Variants in NXN observed in about 807,000 individuals in gnomAD.
The protein encoded by NXN is nucleoredoxin, also known as nucleoredoxin 1.
A neutral mutation model predicts 48.6 loss-of-function variants in NXN; 16 were observed. The ratio of observed to expected loss-of-function variants is 0.33; its 90% CI spans 0.22 to 0.50. The LOEUF (loss-of-function observed/expected upper bound fraction) is 0.50, where lower values mean the gene tolerates loss of function less well. Ranked by LOEUF, NXN falls within the 20% of genes least tolerant of loss-of-function variation. The pLI, the probability that NXN is intolerant of heterozygous loss-of-function variation, is 0.98. For synonymous variants in NXN, 281 were observed against 269.6 expected (o/e 1.04, Z -0.41); for missense variants, 492 against 605.5 (o/e 0.81, Z 1.97).
At position 819,507 on chromosome 17, in the gene NXN, G is replaced by T; in HGVS notation, c.752C>A (p.Pro251His). Residue 251 changes from proline (P) to histidine (H), a missense_variant, in exon 5 of 8, where the codon CCC becomes CAC. Transcript: ENST00000336868. ...ATCCGTGTAGGGGACGGCGAGCCAGGGCATCTCACTGAAGTACTGTTTGAA... is the reference window on the plus strand; with the variant it reads ...ATCCGTGTAGGGGACGGCGAGCCAGTGCATCTCACTGAAGTACTGTTTGAA... Reference protein sequence around the residue: ...ESFKQYFSEMPWLAVPYTDEA... With the variant: ...ESFKQYFSEMHWLAVPYTDEA... 3 of 1,612,706 alleles carry T rather than the reference G, an allele frequency of 1.9e-6. No homozygotes were observed. The highest frequency in any genetic ancestry group is 2.5e-6 in the Non-Finnish European group (3 of 1,179,336).
chr17:891,020 GGTCTGTCT>G (rs10581940), intron 1 of NXN, among the ~76,000 whole-genome samples: 26 of 151,250 alleles, frequency 1.7e-4, no homozygotes, highest in East Asian at 5.9e-4. Flanking sequence ...TCTATCTATC[GGTCTGTCT>G]GTCTGTCTGT....
In NXN at chr17:919,704, G is replaced by C. The variant is rs1165283470; in HGVS notation, c.360+59615C>G. Among the ~76,000 whole-genome samples, 1 of 152,140 alleles carries C rather than the reference G, an allele frequency of 6.6e-6. No homozygotes were observed. Among genetic ancestry groups the C allele is most frequent in the Non-Finnish European group, 1.5e-5 (1 of 68,014 alleles). ...ATCAGCCCTTACCAGGCAGTGCGTG[G>C]CTCCAGAACAACAACTGAAAATAAT... is the stretch of plus-strand genomic sequence containing the variant. On this transcript the variant is annotated intron_variant, in intron 1 of 7. Transcript: ENST00000336868. The surrounding 1 kb of genome is among the most constrained non-coding windows in gnomAD (Gnocchi z 5.1).
chr17:841,431 CGGGCGAGCAGGTCCCCCTGA>C lies in NXN; in HGVS notation c.361-15373_361-15354del, dbSNP rs1914212090. The stretch of plus-strand genomic sequence containing the variant: ...CCCCCTGACCACGGCGCATCTCACA[CGGGCGAGCAGGTCCCCCTGA>C]CCACGGCGCATCTCACACGGGCGAG... On this transcript the variant is annotated intron_variant, in intron 1 of 7. Coordinates refer to ENST00000336868, the MANE Select transcript of NXN (RefSeq NM_022463.5). 1.2e-4 allele frequency among the ~76,000 whole-genome samples: 15 copies of C among 122,730 alleles called. 2 individuals are homozygous for C. The highest frequency in any genetic ancestry group is 1.1e-3 in the South Asian group (4 of 3,746). 80.5% of individuals were successfully genotyped at this position (122,730 alleles called of 152,430 possible).
At chr17:963,557 G>T (rs959010865) in intron 1 of NXN, among the ~76,000 whole-genome samples, 1 of 152,014 alleles carries the variant, frequency 6.6e-6, no homozygotes, top group Non-Finnish European at 1.5e-5. Flanking sequence ...AGCCAAGATC[G>T]CACCACTGCA....
rs528071926 is a variant in NXN, at chr17:946,824, T to C, written c.360+32495A>G. Among the ~76,000 whole-genome samples the C allele has an allele frequency of 2.6e-5, 4 of 152,246 alleles. No individual in the cohort carries two copies. The East Asian group carries it at 7.7e-4, about 29-fold the overall frequency. ...GATCACGCCAACGTCACAGAGTCCT[T>C]GGGAGAATGAAATGAGGCAATGCCT... On this transcript the variant is annotated intron_variant, in intron 1 of 7. Coordinates refer to ENST00000336868, the MANE Select transcript of NXN (RefSeq NM_022463.5).
intron 1 of NXN, chr17:905,191 C>T (rs2467249): frequency 0.48 from 72,840 of 151,696 alleles, 18,946 homozygotes; most frequent in African/African-American, 0.66. Context: ...AGCAGGCAGA[C>T]TGCTTGAGCC....
intron 1 of NXN, among the ~76,000 whole-genome samples, chr17:925,542 C>T (rs1283286854): frequency 1.3e-5 from 2 of 152,198 alleles, no homozygotes; most frequent in African/African-American, 4.8e-5. Flanking sequence ...GCGCCCGCCA[C>T]CATGTCTGGC....
In NXN at chr17:932,434, T is replaced by C. The variant is rs1382084911; in HGVS notation, c.360+46885A>G. Among the ~76,000 whole-genome samples the C allele has an allele frequency of 1.3e-5, 2 of 152,208 alleles. No homozygotes were observed. The highest frequency in any genetic ancestry group is 4.8e-5 in the African/African-American group (2 of 41,470). ...GGAATCCGCATTTAACCAGTCCTTC[T>C]GGTTATTCATCAGTTTGGAAACCGC... On this transcript the variant is annotated intron_variant, in intron 1 of 7. Coordinates refer to ENST00000336868, the MANE Select transcript of NXN (RefSeq NM_022463.5). The surrounding 1 kb of genome is among the most constrained non-coding windows in gnomAD (Gnocchi z 4.1).
intron 1 of NXN, among the ~76,000 whole-genome samples, chr17:934,128 GC>G (rs778121010): frequency 2.0e-5 from 3 of 152,138 alleles, no homozygotes; most frequent in Non-Finnish European, 4.4e-5. Context: ...AAGGCCAGGC[GC>G]CGTGGCTCAC....
chr17:931,914 CG>C (rs1160304974), intron 1 of NXN, among the ~76,000 whole-genome samples: 1 of 147,312 alleles, frequency 6.8e-6, no homozygotes, highest in Admixed American at 6.7e-5. Flanking sequence ...GAGGCCGAGG[CG>C]GGGGGATCAC....
At chr17:807,401 A>AG (rs1454188727) in intron 5 of NXN, among the ~76,000 whole-genome samples, 4 of 152,230 alleles carry the variant, frequency 2.6e-5, no homozygotes. Flanking sequence ...GAAGAGAGGC[A>AG]GGCACGGGGG....
chr17:835,062 A>T (rs1185271360), intron 1 of NXN, among the ~76,000 whole-genome samples: 1 of 151,188 alleles, frequency 6.6e-6, no homozygotes, highest in Non-Finnish European at 1.5e-5. Flanking sequence ...TAATCCCAGC[A>T]CTTTGGGAGG....
intron 1 of NXN, among the ~76,000 whole-genome samples, chr17:954,175 C>A (rs957816693): frequency 6.6e-6 from 1 of 151,988 alleles, no homozygotes; most frequent in Non-Finnish European, 1.5e-5. Context: ...GTCAGGAGTT[C>A]GAGACCAGCC....
intron 7 of NXN, among the ~76,000 whole-genome samples, chr17:802,968 C>T (rs1430096521): frequency 4.0e-5 from 6 of 151,204 alleles, no homozygotes; most frequent in East Asian, 1.9e-4. Flanking sequence ...GAGGTGGCAG[C>T]GCAGGCATGG....
chr17:955,898 T>C lies in NXN; in HGVS notation c.360+23421A>G, dbSNP rs1403445014. The stretch of plus-strand genomic sequence containing the variant: ...GCCTGGGCGACAGAGCGAGACTCCA[T>C]CTCAAAAAAAAAAAAGAGAGAGAGA... On this transcript the variant is annotated intron_variant, in intron 1 of 7. Transcript: ENST00000336868. 4.6e-4 allele frequency among the ~76,000 whole-genome samples: 68 copies of C among 148,580 alleles called. 1 individual carries two copies. The highest frequency in any genetic ancestry group is 4.5e-3 in the Admixed American group (67 of 14,900).
At chr17:922,137 T>C (rs1196529362) in intron 1 of NXN, among the ~76,000 whole-genome samples, 3 of 152,154 alleles carry the variant, frequency 2.0e-5, no homozygotes, top group Non-Finnish European at 4.4e-5. Flanking sequence ...TATTCAGGGA[T>C]ATGACTTAAA....
intron 1 of NXN, among the ~76,000 whole-genome samples, chr17:834,029 A>G (rs895881178): frequency 8.5e-5 from 13 of 152,158 alleles, no homozygotes; most frequent in Non-Finnish European, 1.9e-4. Context: ...TTAAAAAAGC[A>G]TTTCTCAGGG....
intron 1 of NXN, among the ~76,000 whole-genome samples, chr17:979,110 G>GC (rs1414158534): frequency 0.27 from 5,702 of 21,040 alleles, 420 homozygotes; most frequent in East Asian, 0.43. Context: ...AGCGCGGAAG[G>GC]GGGGGGGGCA....
intron 1 of NXN, among the ~76,000 whole-genome samples, chr17:883,010 T>C (rs1198058703): frequency 1.3e-5 from 2 of 152,184 alleles, no homozygotes; most frequent in Non-Finnish European, 2.9e-5. Flanking sequence ...CATCTTGGCC[T>C]CCTAAAGCAT....
Sources: gnomAD v4.1 joint callset for allele counts (sites outside exome capture counted in the v4.1 genomes callset) on GRCh38, gnomAD v4.1.1 for gene constraint, Gnocchi (gnomAD v3.1) non-coding constraint, MANE v1.5 for transcripts, NCBI Gene and HGNC (gene_info 2026-07-23, HGNC 2026-07-21) for gene names.